SHB: variants seen among roughly 807,000 people sequenced by gnomAD.
SHB encodes the protein SH2 domain containing adaptor protein B, also known as SH2 domain-containing adapter protein B.
A neutral mutation model predicts 52.3 loss-of-function variants in SHB; 20 were observed. That is an observed-to-expected ratio of 0.38 (90% CI 0.27 to 0.56). SHB has a LOEUF of 0.56. Ranked by LOEUF, SHB falls within the 20% of genes least tolerant of loss-of-function variation. The pLI is 0.71. For missense variants in SHB, 825 were observed against 723.3 expected (o/e 1.14, Z -1.61); for synonymous variants, 397 against 316.5 (o/e 1.25, Z -2.70).
chr9:38,066,328 G>C (rs1443238354), intron 1 of SHB, among the ~76,000 whole-genome samples: 1 of 152,184 alleles, frequency 6.6e-6, no homozygotes, highest in Non-Finnish European at 1.5e-5. Context: ...ATAAAGTCCA[G>C]TGCAGTTAGC....
At chr9:37,987,311 A>G (rs1820821951) in intron 2 of SHB, among the ~76,000 whole-genome samples, 1 of 152,180 alleles carries the variant, frequency 6.6e-6, no homozygotes, top group African/African-American at 2.4e-5. Flanking sequence ...TTTAACTCTC[A>G]AGACAACCCC....
In SHB at chr9:38,040,456, G is replaced by A. The variant is rs1225003619; in HGVS notation, c.718-24325C>T. ...TGTGTCGGCACCCATGCAGTGCAGT[G>A]GAGGGACAGAGAGGGCACAGGGTCA... On this transcript the variant is annotated intron_variant, in intron 1 of 5. Coordinates refer to ENST00000377707, the MANE Select transcript of SHB (RefSeq NM_003028.3). Among the ~76,000 whole-genome samples, 5 of 152,246 alleles carry A rather than the reference G, an allele frequency of 3.3e-5. No homozygotes were observed. In the East Asian group the frequency reaches 9.6e-4, roughly 29 times the overall value.
At chr9:37,952,671 A>G (rs1832579653) in intron 4 of SHB, among the ~76,000 whole-genome samples, 1 of 152,164 alleles carries the variant, frequency 6.6e-6, no homozygotes, top group African/African-American at 2.4e-5. Flanking sequence ...GGTACTTAGG[A>G]GGGAGCACTG....
rs1360066507 is a variant in SHB, at chr9:37,973,661, A to T, written c.1054+961T>A. Among the ~76,000 whole-genome samples the T allele has an allele frequency of 2.0e-5, 3 of 152,208 alleles. No homozygotes were observed. In the East Asian group the frequency reaches 5.8e-4, roughly 29 times the overall value. ...AAGGGCTGTGGGAGAGGAGTTCTAG[A>T]ATTGTGACAGATACCCAGATTCTAG... On this transcript the variant is annotated intron_variant, in intron 3 of 5. Transcript: ENST00000377707.
chr9:38,016,588 A>C (rs577365256), intron 1 of SHB, among the ~76,000 whole-genome samples: 15 of 152,178 alleles, frequency 9.9e-5, no homozygotes, highest in Non-Finnish European at 2.1e-4. Flanking sequence ...TCTAGAGATA[A>C]TTAGCTCGGC....
chr9:37,957,259 T>C (rs903404917), intron 3 of SHB, among the ~76,000 whole-genome samples: 5 of 152,210 alleles, frequency 3.3e-5, no homozygotes, highest in African/African-American at 7.2e-5. Flanking sequence ...CCAGCAAGCA[T>C]GATTGTGGCA....
chr9:38,037,852 G>A (rs1472948477), intron 1 of SHB, among the ~76,000 whole-genome samples: 1 of 152,172 alleles, frequency 6.6e-6, no homozygotes, highest in Admixed American at 6.5e-5. Context: ...AGGCTCATTG[G>A]GGGATAGCCA....
At chr9:38,046,099 T>C (rs1821649042) in intron 1 of SHB, among the ~76,000 whole-genome samples, 1 of 152,098 alleles carries the variant, frequency 6.6e-6, no homozygotes, top group South Asian at 2.1e-4. Flanking sequence ...TGGTGGTGTG[T>C]GCCTGTAATC....
At chr9:37,937,214 G>C (rs1210608420) in intron 5 of SHB, among the ~76,000 whole-genome samples, 1 of 152,192 alleles carries the variant, frequency 6.6e-6, no homozygotes, top group Non-Finnish European at 1.5e-5. Flanking sequence ...GGCACGATAA[G>C]AGCTCAGTGG....
chr9:38,033,710 A>G (rs1221824663), intron 1 of SHB, among the ~76,000 whole-genome samples: 4 of 152,118 alleles, frequency 2.6e-5, no homozygotes, highest in Non-Finnish European at 5.9e-5. Flanking sequence ...GGGTCCCACA[A>G]CTAGAGCTGT....
intron 1 of SHB, among the ~76,000 whole-genome samples, chr9:38,044,020 G>A (rs1018744091): frequency 1.3e-5 from 2 of 152,262 alleles, no homozygotes; most frequent in African/African-American, 4.8e-5. Flanking sequence ...GTGTTGACCT[G>A]GAGAAGCGGG....
At chr9:38,025,826 TC>T (rs1253918251) in intron 1 of SHB, among the ~76,000 whole-genome samples, 1 of 151,982 alleles carries the variant, frequency 6.6e-6, no homozygotes, top group Non-Finnish European at 1.5e-5. Flanking sequence ...ACTATCCCCC[TC>T]CCCATGTTGA....
In SHB at chr9:37,956,020, GGAT is replaced by G. The variant is rs1832627995; in HGVS notation, c.1086_1088del (p.Ser363del). On this transcript the variant is annotated inframe_deletion, in exon 4 of 6. Coordinates refer to ENST00000377707, the MANE Select transcript of SHB (RefSeq NM_003028.3). ...GCCGCCGGTCCCGCGAAGGTGAGGG[GGAT>G]GACTGCCGCTTCTCGTTGCCATTAA... The G allele has an allele frequency of 6.3e-7, 1 of 1,580,444 alleles. No homozygotes were observed. The highest frequency in any genetic ancestry group is 8.6e-7 in the Non-Finnish European group (1 of 1,163,390).
At chr9:38,003,503 G>T (rs1238109395) in intron 2 of SHB, among the ~76,000 whole-genome samples, 1 of 152,148 alleles carries the variant, frequency 6.6e-6, no homozygotes, top group Non-Finnish European at 1.5e-5. Flanking sequence ...GCAGTCATAA[G>T]CCACATCCCA....
chr9:37,921,935 G>T (rs776007), intron 5 of SHB, among the ~76,000 whole-genome samples: 64,789 of 152,124 alleles, frequency 0.43, 14,033 homozygotes, highest in Middle Eastern at 0.49. Context: ...CACATGCCCA[G>T]CTTTGCCTGG....
intron 3 of SHB, among the ~76,000 whole-genome samples, chr9:37,967,319 A>G: frequency 6.6e-6 from 1 of 152,172 alleles, no homozygotes; most frequent in African/African-American, 2.4e-5. Flanking sequence ...TGTTTAGGAA[A>G]TAGACATACC....
chr9:38,066,543 GC>G (rs1821962755), intron 1 of SHB, among the ~76,000 whole-genome samples: 1 of 152,174 alleles, frequency 6.6e-6, no homozygotes, highest in South Asian at 2.1e-4. Flanking sequence ...CTGGCTCCCA[GC>G]TAGTCGTCAT....
rs1832147265 is a variant in SHB at position 37,919,463 on chromosome 9, CAA to C, written c.*356_*357del. On this transcript the variant is annotated 3_prime_UTR_variant, in exon 6 of 6. Coordinates refer to ENST00000377707, the MANE Select transcript of SHB (RefSeq NM_003028.3). ...GTGTGAATTTGAGACAGCTGGAGAA[CAA>C]AGAGATGTCAGCCAGGGAGCTCCCG... The C allele has an allele frequency of 5.0e-6, 1 of 198,176 alleles. No homozygotes were observed. The highest frequency in any genetic ancestry group is 5.5e-5 in the Admixed American group (1 of 18,154). The allele number at this position is 198,176 out of a possible 1,614,324, so 12.3% of individuals were successfully genotyped here.
Position 38,068,571 on chromosome 9 carries a change from T to A in SHB, c.75A>T (p.Pro25=). Residue 25 remains proline (P), a synonymous_variant, in exon 1 of 6, where the codon CCA becomes CCT. Coordinates refer to ENST00000377707, the MANE Select transcript of SHB (RefSeq NM_003028.3). ...CTCGGCGCCGCTGCTCGCGGTAGTC[T>A]GGCCGCGGCGGCTGCGGGGGGCTCT... The part of the protein sequence containing the change: ...KTKSPPQPPR[P]DYREQRRRGE... 2 of 1,482,778 alleles carry A rather than the reference T, an allele frequency of 1.3e-6. No homozygotes were observed. Among genetic ancestry groups the A allele is most frequent in the Non-Finnish European group, 1.8e-6 (2 of 1,127,696 alleles). The allele number at this position is 1,482,778 out of a possible 1,614,324, so 91.9% of individuals were successfully genotyped here.
Sources: allele counts gnomAD v4.1 joint callset (sites outside exome capture counted in the v4.1 genomes callset), GRCh38; gene constraint gnomAD v4.1.1; transcripts MANE v1.5; gene names NCBI Gene and HGNC (gene_info 2026-07-23, HGNC 2026-07-21).